WDR72: variants seen among roughly 807,000 people sequenced by gnomAD.
WDR72 encodes WD repeat-containing protein 72.
WDR72 carries 120 observed loss-of-function variants against 124.2 expected under a neutral mutation model. The observed-to-expected ratio is 0.97, with a 90% confidence interval of 0.83 to 1.12. The LOEUF (loss-of-function observed/expected upper bound fraction) is 1.12. Among genes scored for constraint, WDR72 ranks in the 50% most tolerant of loss-of-function variants. WDR72 has a pLI of 0.00. For synonymous variants in WDR72, 452 were observed against 441.7 expected, an observed-to-expected ratio of 1.02 and a Z score of -0.29; for missense variants, 1,387 against 1,278.8, an observed-to-expected ratio of 1.08 and a Z score of -1.29.
At position 53,710,426 on chromosome 15, in the gene WDR72, T is replaced by C. The variant is rs80319043; in HGVS notation, c.954+431A>G. On this transcript the variant is annotated intron_variant, in intron 9 of 19. Coordinates refer to ENST00000360509, the MANE Select transcript of WDR72 (RefSeq NM_182758.4). ...AGTAAATATAGCAAAATGTTAGCAA[T>C]TGGTGAATCTAAGTAAAACGTATAT... Among the ~76,000 whole-genome samples, 15 of 152,064 alleles carry C rather than the reference T, an allele frequency of 9.9e-5. No homozygotes were observed. In the East Asian group the frequency reaches 1.7e-3, roughly 18 times the overall value.
rs76380368 is a variant in WDR72, at chr15:53,632,170, C to G, written c.1963-15927G>C. 4.5e-4 allele frequency among the ~76,000 whole-genome samples: 68 copies of G among 152,134 alleles called. 1 individual carries two copies. In the East Asian group the frequency reaches 0.012, roughly 26 times the overall value. On this transcript the variant is annotated intron_variant, in intron 14 of 19. Coordinates refer to ENST00000360509, the MANE Select transcript of WDR72 (RefSeq NM_182758.4). ...GTAAGGACTAAATGGTTTCCTGGGCCAGGACCAGGGCCCACTGTCCTGAGT... is the reference window on the plus strand; with the variant it reads ...GTAAGGACTAAATGGTTTCCTGGGCGAGGACCAGGGCCCACTGTCCTGAGT...
intron 18 of WDR72, among the ~76,000 whole-genome samples, chr15:53,544,904 C>T (rs1371600039): frequency 2.7e-5 from 4 of 150,734 alleles, no homozygotes; most frequent in African/African-American, 9.8e-5. Context: ...AGTGAACTCC[C>T]ATTCACAATT....
chr15:53,685,443 C>G (rs2016584382), intron 13 of WDR72, among the ~76,000 whole-genome samples: 1 of 134,726 alleles, frequency 7.4e-6, no homozygotes, highest in Admixed American at 7.6e-5. Context: ...ACGCGATCAA[C>G]TGGAAGAAAG....
chr15:53,673,428 T>C (rs1446235975), intron 13 of WDR72, among the ~76,000 whole-genome samples: 2 of 152,206 alleles, frequency 1.3e-5, no homozygotes. Flanking sequence ...TATCATGTTG[T>C]ACAGAAACAT....
chr15:53,752,906 A>C (rs911284876), intron 1 of WDR72, among the ~76,000 whole-genome samples: 2 of 152,182 alleles, frequency 1.3e-5, no homozygotes, highest in African/African-American at 4.8e-5. Flanking sequence ...TTAATTCAAT[A>C]ATTAGTATCT....
rs367868810 is a variant in WDR72 at position 53,555,915 on chromosome 15, A to G, written c.3149-32593T>C. ...AAAGAAAGACAAAAGGAATGAACTA[A>G]TTGTTTAACAAATAGCAAAATGAAC... is the stretch of plus-strand genomic sequence containing the variant. On this transcript the variant is annotated intron_variant, in intron 18 of 19. Transcript: ENST00000360509. Among the ~76,000 whole-genome samples, 23 of 152,248 alleles carry G rather than the reference A, an allele frequency of 1.5e-4. No homozygotes were observed. In the East Asian group the frequency reaches 2.5e-3, roughly 17 times the overall value.
chr15:53,662,215 A>G (rs554313956), intron 14 of WDR72, among the ~76,000 whole-genome samples: 1 of 152,182 alleles, frequency 6.6e-6, no homozygotes, highest in Admixed American at 6.5e-5. Flanking sequence ...ATGATATTGT[A>G]TTCCTTTAAA....
At chr15:53,691,349 C>T (rs61010311) in intron 13 of WDR72, among the ~76,000 whole-genome samples, 2,139 of 152,286 alleles carry the variant, frequency 0.014, 59 homozygotes, top group African/African-American at 0.049. Context: ...CCTTGTCCAG[C>T]CCTATGTCCT....
At chr15:53,647,007 G>A (rs2015065591) in intron 14 of WDR72, among the ~76,000 whole-genome samples, 1 of 152,084 alleles carries the variant, frequency 6.6e-6, no homozygotes, top group African/African-American at 2.4e-5. Flanking sequence ...CAATGCAAAG[G>A]TAAGGACACT....
chr15:53,631,668 A>C (rs1026558950), intron 14 of WDR72, among the ~76,000 whole-genome samples: 15 of 152,230 alleles, frequency 9.9e-5, no homozygotes, highest in African/African-American at 3.6e-4. Flanking sequence ...AGGAGGTTTC[A>C]AATGGAAATG....
chr15:53,532,060 C>T (rs571095483), intron 18 of WDR72, among the ~76,000 whole-genome samples: 3 of 152,026 alleles, frequency 2.0e-5, no homozygotes, highest in African/African-American at 2.4e-5. Context: ...ATACACTAAT[C>T]GTTAGAGAAA....
At chr15:53,684,901 C>T (rs1016649310) in intron 13 of WDR72, among the ~76,000 whole-genome samples, 1 of 152,198 alleles carries the variant, frequency 6.6e-6, no homozygotes, top group African/African-American at 2.4e-5. Flanking sequence ...GGGTGCCTGA[C>T]CCCTGACCCC....
chr15:53,750,397 T>TA (rs968478215), intron 1 of WDR72, among the ~76,000 whole-genome samples: 7 of 152,022 alleles, frequency 4.6e-5, no homozygotes, highest in South Asian at 2.1e-4. Flanking sequence ...TCAGAAAAAA[T>TA]AAAAAAATCC....
intron 13 of WDR72, among the ~76,000 whole-genome samples, chr15:53,699,345 T>G (rs2017096687): frequency 1.3e-5 from 2 of 152,358 alleles, no homozygotes; most frequent in African/African-American, 4.8e-5. Flanking sequence ...TATAATTAAT[T>G]ATATTCCATT....
intron 18 of WDR72, among the ~76,000 whole-genome samples, chr15:53,540,691 G>C (rs72745145): frequency 4.6e-5 from 7 of 152,058 alleles, no homozygotes; most frequent in Non-Finnish European, 8.8e-5. Context: ...CAGCGTGAGC[G>C]ACGCAGAAGA....
intron 18 of WDR72, among the ~76,000 whole-genome samples, chr15:53,567,103 G>A (rs1316332607): frequency 1.3e-5 from 2 of 151,972 alleles, no homozygotes; most frequent in Non-Finnish European, 2.9e-5. Flanking sequence ...TCAATGGCAG[G>A]GAGAATTCTC....
At chr15:53,633,196 A>G (rs2014497312) in intron 14 of WDR72, among the ~76,000 whole-genome samples, 1 of 152,152 alleles carries the variant, frequency 6.6e-6, no homozygotes, top group Admixed American at 6.6e-5. Flanking sequence ...GTGGTTTCTA[A>G]TAGTTTAGCA....
In WDR72 at chr15:53,605,778, C is replaced by G. The variant is rs370603341; in HGVS notation, c.2952+3735G>C. On this transcript the variant is annotated intron_variant, in intron 17 of 19. Transcript: ENST00000360509. ...GATGAGGCAGAAGCGTCGCTTGAAC[C>G]TGGGAGACGGAGGCTGCAGTGAGCC... is the stretch of plus-strand genomic sequence containing the variant. 1.1e-4 allele frequency among the ~76,000 whole-genome samples: 16 copies of G among 152,194 alleles called. 1 individual carries two copies. Among genetic ancestry groups the G allele is most frequent in the African/African-American group, 3.9e-4 (16 of 41,540 alleles).
At chr15:53,735,391 T>G (rs929700007) in intron 1 of WDR72, among the ~76,000 whole-genome samples, 1 of 152,108 alleles carries the variant, frequency 6.6e-6, no homozygotes, top group Non-Finnish European at 1.5e-5. Flanking sequence ...CAGAAATAGG[T>G]CAGTGATTGC....
Sources: allele counts gnomAD v4.1 joint callset (sites outside exome capture counted in the v4.1 genomes callset), GRCh38; gene constraint gnomAD v4.1.1; transcripts MANE v1.5; gene names NCBI Gene and HGNC (gene_info 2026-07-23, HGNC 2026-07-21).